Variants in RASAL1 observed in about 807,000 individuals in gnomAD.
RASAL1 encodes the protein RAS protein activator like 1.
Under a neutral mutation model 96.6 loss-of-function variants are expected in RASAL1, and 72 were observed. The observed-to-expected ratio is 0.75, with a 90% CI of 0.62 to 0.91. The LOEUF is 0.91. Ranked by LOEUF, RASAL1 falls within the 40% of genes least tolerant of loss-of-function variation. RASAL1 has a pLI of 0.00. For missense variants in RASAL1, 1,016 were observed against 1,072.5 expected, an observed-to-expected ratio of 0.95 and a Z score of 0.74; for synonymous variants, 405 against 430.4, an observed-to-expected ratio of 0.94 and a Z score of 0.73.
chr12:113,128,982 C>G (rs1053588630), intron 2 of RASAL1, among the ~76,000 whole-genome samples: 5 of 151,810 alleles, frequency 3.3e-5, no homozygotes, highest in Non-Finnish European at 7.4e-5. Flanking sequence ...GACACACACA[C>G]ACACACACAC....
chr12:113,130,966 G>T lies in RASAL1; in HGVS notation c.66-25C>A. ...CCTGCAGAAGGAGGGAGTTCAGGGA[G>T]GAAGCAGGTTGAGAGGGCAGCCATG... is the stretch of plus-strand genomic sequence containing the variant. On this transcript the variant is annotated intron_variant, in intron 1 of 20. Transcript: ENST00000548055. The surrounding 1 kb of genome is among the most constrained non-coding windows in gnomAD (Gnocchi z 5.1). 1 of 1,605,844 alleles carries T rather than the reference G, an allele frequency of 6.2e-7. No homozygotes were observed. Among genetic ancestry groups the T allele is most frequent in the Non-Finnish European group, 8.5e-7 (1 of 1,173,934 alleles).
At chr12:113,114,954 G>A (rs768763593) in intron 11 of RASAL1, 42 bp from the exon 12 acceptor site, 16 of 1,505,446 alleles carry the variant, frequency 1.1e-5, no homozygotes, top group Non-Finnish European at 1.4e-5. Flanking sequence ...CTGAGGGCGA[G>A]GCCGGGGCAT....
At chr12:113,119,568 T>C in intron 5 of RASAL1, 125 bp from the exon 6 acceptor site, 3 of 927,140 alleles carry the variant, frequency 3.2e-6, no homozygotes, top group Non-Finnish European at 5.0e-6. Flanking sequence ...CATGTAGGGG[T>C]CCAGCTAGGG....
rs1373974253 is a variant in RASAL1, at chr12:113,130,199, G to C, written c.122+686C>G. ...CTGAGAGCTGTCCCTCGGCCTGCGG[G>C]GGTGGGAGCCAAGCAGGGCGCAGCC... On this transcript the variant is annotated intron_variant, in intron 2 of 20. Transcript: ENST00000548055. This position sits in a 1 kb window ranked among gnomAD's most constrained non-coding sequence, Gnocchi z 5.1. Among the ~76,000 whole-genome samples the C allele has an allele frequency of 6.6e-6, 1 of 152,174 alleles. No homozygotes were observed. The highest frequency in any genetic ancestry group is 2.4e-5 in the African/African-American group (1 of 41,440).
chr12:113,108,374 C>T (rs1592900177), intron 13 of RASAL1, 152 bp from the exon 14 acceptor site: 1 of 886,150 alleles, frequency 1.1e-6, no homozygotes, highest in Non-Finnish European at 1.7e-6. Flanking sequence ...GGAAGTTTTT[C>T]CTCTCTGGGC....
In RASAL1 at chr12:113,130,577, C is replaced by T. The variant is rs921057386; in HGVS notation, c.122+308G>A. Among the ~76,000 whole-genome samples, 4 of 152,166 alleles carry T rather than the reference C, an allele frequency of 2.6e-5. No homozygotes were observed. The East Asian group carries it at 5.8e-4, about 22-fold the overall frequency. ...CAGTGCCCGCAGCACCCGGCAGGCC[C>T]GGAACCAACCAGTCCAGCCAAGCGT... is the stretch of plus-strand genomic sequence containing the variant. On this transcript the variant is annotated intron_variant, in intron 2 of 20. Transcript: ENST00000548055. This position sits in a 1 kb window ranked among gnomAD's most constrained non-coding sequence, Gnocchi z 5.1.
Position 113,104,237 on chromosome 12 carries a change from A to C in RASAL1, c.1892T>G (p.Phe631Cys). The C allele has an allele frequency of 1.9e-6, 3 of 1,604,560 alleles. No homozygotes were observed. In the South Asian group the frequency reaches 3.4e-5, roughly 18 times the overall value. ...RAVERVDEGA[F>C]QLPHVMQVVT... ...CACCTGCATCACGTGGGGCAGTTGG[A>C]AGGCGCCCTCGTCTACGCGCTCCAC... The change falls in exon 17 of 21, where the codon TTC becomes TGC. Residue 631 changes from phenylalanine (F) to cysteine (C), a missense_variant. Phe to Cys is a radical substitution (Grantham distance 205, BLOSUM62 -2). Coordinates refer to ENST00000548055, the MANE Select transcript of RASAL1 (RefSeq NM_001301202.2).
At chr12:113,112,711 G>A (rs1165971820) in intron 12 of RASAL1, among the ~76,000 whole-genome samples, 1 of 152,258 alleles carries the variant, frequency 6.6e-6, no homozygotes, top group South Asian at 2.1e-4. Context: ...CAGCACTCTG[G>A]GAGGCCGAGG....
intron 13 of RASAL1, among the ~76,000 whole-genome samples, chr12:113,110,354 G>A (rs1824276): frequency 0.11 from 16,852 of 152,270 alleles, 1,115 homozygotes; most frequent in Middle Eastern, 0.19. Flanking sequence ...AAATGAGGCT[G>A]TAGGAAGTGG....
chr12:113,116,169 T>G (rs1951076431), intron 8 of RASAL1, 118 bp from the exon 9 acceptor site: 1 of 681,876 alleles, frequency 1.5e-6, no homozygotes, highest in African/African-American at 1.9e-5. Flanking sequence ...CAGCAGTTTG[T>G]GACCAGCCTG....
chr12:113,116,430 G>C (rs537855766), intron 8 of RASAL1, among the ~76,000 whole-genome samples: 1 of 152,310 alleles, frequency 6.6e-6, no homozygotes, highest in South Asian at 2.1e-4. Flanking sequence ...GCATGGGCAG[G>C]TGTGGAGAGC....
intron 20 of RASAL1, 147 bp downstream of exon 20, chr12:113,100,481 T>C: frequency 1.6e-6 from 1 of 631,670 alleles, no homozygotes; most frequent in South Asian, 1.7e-5. Flanking sequence ...AAATTTTTAG[T>C]AGAGACAGGG....
rs142148147 is a variant in RASAL1 at position 113,111,487 on chromosome 12, G to A, written c.1374+599C>T. Among the ~76,000 whole-genome samples the A allele has an allele frequency of 3.4e-3, 523 of 152,248 alleles. 3 individuals are homozygous for A. Among genetic ancestry groups the A allele is most frequent in the African/African-American group, 0.012 (509 of 41,534 alleles). On this transcript the variant is annotated intron_variant, in intron 13 of 20. Transcript: ENST00000548055. ...TCCTGGTATCCACCTCACAGGCTGC[G>A]TGTGATGGTTAGATAGGGTAATAAA...
intron 7 of RASAL1, among the ~76,000 whole-genome samples, chr12:113,117,587 C>T (rs1049448232): frequency 1.3e-5 from 2 of 152,158 alleles, no homozygotes. Context: ...AATTCACATC[C>T]TAAACAATTC....
chr12:113,115,368 G>T lies in RASAL1; in HGVS notation c.1004-104C>A. On this transcript the variant is annotated intron_variant, in intron 10 of 20. Coordinates refer to ENST00000548055, the MANE Select transcript of RASAL1 (RefSeq NM_001301202.2). The surrounding 1 kb of genome is among the most constrained non-coding windows in gnomAD (Gnocchi z 4.1). ...ATGATTCTTCCAGCCCCAAGAATCA[G>T]GAAGACCCAAAACATCAACCCCATT... 2 of 1,214,414 alleles carry T rather than the reference G, an allele frequency of 1.6e-6. No individual in the cohort carries two copies. Among genetic ancestry groups the T allele is most frequent in the African/African-American group, 1.5e-5 (1 of 67,118 alleles). The allele number at this position is 1,214,414 out of a possible 1,614,324, so 75.2% of individuals were successfully genotyped here. A position where few individuals can be genotyped will look rare whatever the true frequency, so the allele number is the denominator to read the frequency against.
chr12:113,134,514 A>T (rs1168435952), intron 1 of RASAL1, among the ~76,000 whole-genome samples: 1 of 152,182 alleles, frequency 6.6e-6, no homozygotes, highest in Non-Finnish European at 1.5e-5. Flanking sequence ...CAGAGCTCTC[A>T]TTGCCCAAAT....
Position 113,112,160 on chromosome 12 carries a change from G to C in RASAL1, c.1300C>G (p.Pro434Ala), listed in dbSNP as rs889690957. 22 of 1,253,836 alleles carry C rather than the reference G, an allele frequency of 1.8e-5. No homozygotes were observed. The highest frequency in any genetic ancestry group is 2.1e-5 in the Non-Finnish European group (21 of 991,742). The allele number at this position is 1,253,836 out of a possible 1,614,324, so 77.7% of individuals were successfully genotyped here. A position where few individuals can be genotyped will look rare whatever the true frequency, so the allele number is the denominator to read the frequency against. Residue 434 changes from proline (P) to alanine (A), a missense_variant, in exon 13 of 21, where the codon CCG becomes GCG. Transcript: ENST00000548055. Reference sequence around the variant, plus strand: ...TTGAAGGCGAGGCGCATGGCGGGCGGGCAGCGCCCCACGGAGCCCACGATG... The same window carrying C: ...TTGAAGGCGAGGCGCATGGCGGGCGCGCAGCGCCCCACGGAGCCCACGATG... Reference protein sequence around the residue: ...DAIVGSVGRCPPAMRLAFKQL... With the variant: ...DAIVGSVGRCAPAMRLAFKQL...
At chr12:113,107,393 T>G in intron 14 of RASAL1, 152 bp from the exon 15 acceptor site, 1 of 886,504 alleles carries the variant, frequency 1.1e-6, no homozygotes, top group Non-Finnish European at 1.7e-6. Context: ...GAGGCCGAAG[T>G]AAGCGGATCA....
At chr12:113,118,643 G>C (rs985316777) in intron 7 of RASAL1, among the ~76,000 whole-genome samples, 21 of 152,166 alleles carry the variant, frequency 1.4e-4, no homozygotes, top group African/African-American at 7.2e-5. Context: ...CCAGGAGTAG[G>C]AGTTAAGGGC....
Sources: allele counts gnomAD v4.1 joint callset (sites outside exome capture counted in the v4.1 genomes callset), GRCh38; gene constraint gnomAD v4.1.1; non-coding constraint Gnocchi (gnomAD v3.1); transcripts MANE v1.5; gene names NCBI Gene and HGNC (gene_info 2026-07-23, HGNC 2026-07-21).